The following CTNS variants were observed in gnomAD, a reference collection of about 807,000 sequenced individuals.
The protein encoded by CTNS is cystinosin, lysosomal cystine transporter, also known as cystinosin.
CTNS carries 27 observed loss-of-function variants against 43.7 expected under a neutral mutation model. That is an observed-to-expected ratio of 0.62 (90% CI 0.46 to 0.85). The LOEUF is 0.85. Among genes scored for constraint, CTNS ranks in the 40% least tolerant of loss-of-function variants. The pLI, the probability that CTNS is intolerant of heterozygous loss-of-function variation, is 0.00. For missense variants in CTNS, 457 were observed against 475.4 expected (o/e 0.96, Z 0.36); for synonymous variants, 187 against 190.6 (o/e 0.98, Z 0.16).
chr17:3,660,661 A>G lies in CTNS; in HGVS notation c.*292A>G, dbSNP rs1567717458. On this transcript the variant is annotated 3_prime_UTR_variant, in exon 12 of 12. Transcript: ENST00000046640. ...GGCTCTGGCAGCCGTCTCAGGCAGG[A>G]CTGGGCACCAAGCTTGCAGCCGAAG... 1 of 1,613,612 alleles carries G rather than the reference A, an allele frequency of 6.2e-7. No homozygotes were observed. The highest frequency in any genetic ancestry group is 8.5e-7 in the Non-Finnish European group (1 of 1,180,036).
chr17:3,659,005 G>A (rs1449898314), intron 10 of CTNS, among the ~76,000 whole-genome samples: 1 of 152,066 alleles, frequency 6.6e-6, no homozygotes, highest in Non-Finnish European at 1.5e-5. Flanking sequence ...GTTTGGGGAA[G>A]TGGGCCCCAG....
At chr17:3,643,345 T>C (rs1735497) in intron 3 of CTNS, among the ~76,000 whole-genome samples, 64,561 of 151,742 alleles carry the variant, frequency 0.43, 14,405 homozygotes, top group Non-Finnish European at 0.49. Flanking sequence ...CCTCTCACTT[T>C]TGTAATAATT....
At chr17:3,653,384 G>C (rs1567707742) in intron 5 of CTNS, among the ~76,000 whole-genome samples, 2 of 152,208 alleles carry the variant, frequency 1.3e-5, no homozygotes, top group Non-Finnish European at 2.9e-5. Context: ...CTGCATTCCA[G>C]ACTGGCAACA....
chr17:3,642,064 C>CGCGTGT (rs1555558860), intron 3 of CTNS, among the ~76,000 whole-genome samples: 2 of 139,782 alleles, frequency 1.4e-5, no homozygotes, highest in African/African-American at 2.7e-5. Flanking sequence ...TGTACCCGGG[C>CGCGTGT]GTGTGTGTGT....
chr17:3,640,408 G>A, intron 3 of CTNS, 141 bp downstream of exon 3: 7 of 966,640 alleles, frequency 7.2e-6, no homozygotes, highest in Admixed American at 3.5e-5. Context: ...TGTGGCCACT[G>A]GGGTGGTGGA....
intron 4 of CTNS, among the ~76,000 whole-genome samples, chr17:3,647,775 T>A (rs1169205878): frequency 6.6e-6 from 1 of 152,200 alleles, no homozygotes; most frequent in African/African-American, 2.4e-5. Flanking sequence ...ACGTGCGTCT[T>A]TTCCCCGCAT....
chr17:3,654,343 G>A (rs1355321794), intron 5 of CTNS, among the ~76,000 whole-genome samples: 2 of 152,196 alleles, frequency 1.3e-5, no homozygotes, highest in Non-Finnish European at 1.5e-5. Flanking sequence ...GATAAGCCAG[G>A]GGAGGGCATG....
chr17:3,660,093 C>A, intron 11 of CTNS, 118 bp downstream of exon 11: 1 of 1,458,998 alleles, frequency 6.9e-7, no homozygotes, highest in Non-Finnish European at 9.6e-7. Context: ...CAATCCAGCC[C>A]CCAAGGAGAG....
In CTNS at chr17:3,660,219, C is replaced by T. The variant is rs2076253602; in HGVS notation, c.971-17C>T. The T allele has an allele frequency of 6.2e-7, 1 of 1,614,040 alleles. No individual in the cohort carries two copies. The highest frequency in any genetic ancestry group is 8.5e-7 in the Non-Finnish European group (1 of 1,180,026). ...CTGCCAACCTAACACCAGCTTCTGT[C>T]CCCCGGCTGCTAACAGACCAGTGGA... On this transcript the variant is annotated splice_polypyrimidine_tract_variant and intron_variant, in intron 11 of 11. Coordinates refer to ENST00000046640, the MANE Select transcript of CTNS (RefSeq NM_004937.3).
At chr17:3,656,060 C>T (rs1210564162) in intron 7 of CTNS, 5 of 319,028 alleles carry the variant, frequency 1.6e-5, no homozygotes, top group Non-Finnish European at 3.1e-5. Flanking sequence ...CAGTCCTCAC[C>T]CCTGGCCCTG....
At chr17:3,641,411 A>G in intron 3 of CTNS, among the ~76,000 whole-genome samples, 1 of 8,416 alleles carries the variant, frequency 1.2e-4, no homozygotes, top group Non-Finnish European at 2.3e-4. Flanking sequence ...TTTTTTTTTG[A>G]GACAGAGTCT....
chr17:3,662,467 G>A lies in CTNS; in HGVS notation c.*2098G>A, dbSNP rs896779952. Reference sequence around the variant, plus strand: ...GCCAGATCACGGCCCCCAGCAACACGTGGGGTTGTGTCCCTCGCTGGGATA... The same window carrying A: ...GCCAGATCACGGCCCCCAGCAACACATGGGGTTGTGTCCCTCGCTGGGATA... On this transcript the variant is annotated 3_prime_UTR_variant, in exon 12 of 12. Coordinates refer to ENST00000046640, the MANE Select transcript of CTNS (RefSeq NM_004937.3). 4.6e-5 allele frequency among the ~76,000 whole-genome samples: 7 copies of A among 152,162 alleles called. No individual in the cohort carries two copies. The highest frequency in any genetic ancestry group is 1.9e-4 in the East Asian group (1 of 5,196).
At chr17:3,656,123 CT>C (rs1232593591) in intron 7 of CTNS, among the ~76,000 whole-genome samples, 15 of 124,398 alleles carry the variant, frequency 1.2e-4, no homozygotes, top group South Asian at 3.1e-4. Context: ...CCCTCCACCC[CT>C]CGCCAGTCCT....
rs1022893266 is a variant in CTNS at position 3,661,933 on chromosome 17, C to T, written c.*1564C>T. Among the ~76,000 whole-genome samples, 5 of 152,198 alleles carry T rather than the reference C, an allele frequency of 3.3e-5. No homozygotes were observed. Among genetic ancestry groups the T allele is most frequent in the East Asian group, 1.9e-4 (1 of 5,198 alleles). ...TTCTGCAGAGCAGACTTTGGCCTGA[C>T]GGGGTCCACAGACCTGTTTCACTTG... is the stretch of plus-strand genomic sequence containing the variant. On this transcript the variant is annotated 3_prime_UTR_variant, in exon 12 of 12. Coordinates refer to ENST00000046640, the MANE Select transcript of CTNS (RefSeq NM_004937.3).
rs866713410 is a variant in CTNS, at chr17:3,662,745, G to A, written c.*2376G>A. Among the ~76,000 whole-genome samples, 18 of 47,326 alleles carry A rather than the reference G, an allele frequency of 3.8e-4. No individual in the cohort carries two copies. The highest frequency in any genetic ancestry group is 7.6e-4 in the East Asian group (2 of 2,626). 31.0% of individuals were successfully genotyped at this position (47,326 alleles called of 152,430 possible). A position where few individuals can be genotyped will look rare whatever the true frequency, so the allele number is the denominator to read the frequency against. On this transcript the variant is annotated 3_prime_UTR_variant, in exon 12 of 12. Transcript: ENST00000046640. ...CAGCTGCTGCGGCTCCACCAGCCCC[G>A]GGCTTTCAGGCAGGTGGGCCTGGGA...
At chr17:3,641,380 ATATATTT>A (rs1450987296) in intron 3 of CTNS, among the ~76,000 whole-genome samples, 19 of 38,198 alleles carry the variant, frequency 5.0e-4, no homozygotes, top group East Asian at 8.3e-4. Context: ...ATATATATAT[ATATATTT>A]TTTTTTTTTT....
rs79999227 is a variant in CTNS, at chr17:3,659,622, G to C, written c.853-236G>C. On this transcript the variant is annotated intron_variant, in intron 10 of 11. Coordinates refer to ENST00000046640, the MANE Select transcript of CTNS (RefSeq NM_004937.3). ...CGCCTCTGCTGGAGCTGTGAGGTGT[G>C]GGGGGTGCGGGGCCTTTGCTTGCTG... Among the ~76,000 whole-genome samples the C allele has an allele frequency of 8.5e-5, 13 of 152,234 alleles. 1 individual carries two copies. The South Asian group carries it at 2.5e-3, about 29-fold the overall frequency.
chr17:3,647,942 G>A (rs2075883468), intron 4 of CTNS, among the ~76,000 whole-genome samples: 1 of 152,188 alleles, frequency 6.6e-6, no homozygotes, highest in Non-Finnish European at 1.5e-5. Context: ...TGGCCACGTC[G>A]GGTGAATGCC....
rs764063960 is a variant in CTNS, at chr17:3,656,656, T to C, written c.562-20T>C. ...GCCCGGCTGCCCCTCACCACCCAGC[T>C]TCTCCCACCCACCAAACAGGAGCAG... is the stretch of plus-strand genomic sequence containing the variant. On this transcript the variant is annotated intron_variant, in intron 8 of 11. Transcript: ENST00000046640. The C allele has an allele frequency of 6.8e-5, 110 of 1,612,774 alleles. No individual in the cohort carries two copies. In the African/African-American group the frequency reaches 1.4e-3, roughly 20 times the overall value.
Sources: allele counts gnomAD v4.1 joint callset (sites outside exome capture counted in the v4.1 genomes callset), GRCh38; gene constraint gnomAD v4.1.1; transcripts MANE v1.5; gene names NCBI Gene and HGNC (gene_info 2026-07-23, HGNC 2026-07-21).